The following KCNAB1 variants were observed in gnomAD, a reference collection of about 807,000 sequenced individuals.
The protein encoded by KCNAB1 is potassium voltage-gated channel subfamily A regulatory beta subunit 1.
Under a neutral mutation model 64.6 loss-of-function variants are expected in KCNAB1, and 35 were observed. The ratio of observed to expected loss-of-function variants is 0.54; its 90% CI spans 0.41 to 0.72. The LOEUF (loss-of-function observed/expected upper bound fraction) is 0.72. Ranked by LOEUF, KCNAB1 falls within the 30% of genes least tolerant of loss-of-function variation. The pLI, the probability that KCNAB1 is intolerant of heterozygous loss-of-function variation, is 0.00. For missense variants in KCNAB1, 401 were observed against 512.9 expected (o/e 0.78, Z 2.11); for synonymous variants, 177 against 183.8 (o/e 0.96, Z 0.30).
intron 1 of KCNAB1, among the ~76,000 whole-genome samples, chr3:156,215,162 T>C (rs1420108825): frequency 6.6e-6 from 1 of 152,232 alleles, no homozygotes; most frequent in Admixed American, 6.5e-5. Flanking sequence ...TATTAGCTCA[T>C]TTGTTTGAGA....
chr3:156,494,611 G>C (rs1031096368), intron 8 of KCNAB1, among the ~76,000 whole-genome samples: 9 of 151,644 alleles, frequency 5.9e-5, no homozygotes, highest in Non-Finnish European at 8.8e-5. Flanking sequence ...ACGTGTGAAA[G>C]TTTCAAGGCA....
At chr3:156,143,307 C>A in intron 1 of KCNAB1, 1 of 1,613,558 alleles carries the variant, frequency 6.2e-7, no homozygotes, top group Non-Finnish European at 8.5e-7. Context: ...AGGCGGCCTG[C>A]AAACCTGTGA....
At chr3:156,356,691 A>G (rs1725267795) in intron 1 of KCNAB1, among the ~76,000 whole-genome samples, 1 of 152,206 alleles carries the variant, frequency 6.6e-6, no homozygotes, top group Non-Finnish European at 1.5e-5. Flanking sequence ...TATCTTGGGG[A>G]TTTGTCATCA....
intron 1 of KCNAB1, among the ~76,000 whole-genome samples, chr3:156,417,719 G>GAAAAAAAA (rs200175870): frequency 7.7e-6 from 1 of 130,262 alleles, no homozygotes; most frequent in African/African-American, 2.9e-5. Flanking sequence ...TGCCTTAAAA[G>GAAAAAAAA]AAAAAAAAAA....
chr3:156,461,455 C>T (rs527908776), intron 5 of KCNAB1, among the ~76,000 whole-genome samples: 4 of 152,308 alleles, frequency 2.6e-5, no homozygotes, highest in South Asian at 2.1e-4. Flanking sequence ...TATTGGATTA[C>T]GGGCCTCCTC....
intron 1 of KCNAB1, among the ~76,000 whole-genome samples, chr3:156,283,001 T>C (rs1473535220): frequency 1.3e-5 from 2 of 150,280 alleles, no homozygotes; most frequent in East Asian, 3.9e-4. Context: ...AATTTGATCC[T>C]GTCATTATGA....
At chr3:156,228,345 G>T (rs76674824) in intron 1 of KCNAB1, among the ~76,000 whole-genome samples, 2 of 152,128 alleles carry the variant, frequency 1.3e-5, no homozygotes, top group Non-Finnish European at 2.9e-5. Flanking sequence ...CAGCCCTACC[G>T]TGTGCTTTGA....
intron 1 of KCNAB1, among the ~76,000 whole-genome samples, chr3:156,390,096 C>G (rs1712919372): frequency 6.6e-6 from 1 of 152,198 alleles, no homozygotes; most frequent in Admixed American, 6.5e-5. Context: ...CAAGGGGGAA[C>G]TGGGCACTTG....
At chr3:156,168,835 TAAAC>T (rs1711774210) in intron 1 of KCNAB1, among the ~76,000 whole-genome samples, 1 of 152,206 alleles carries the variant, frequency 6.6e-6, no homozygotes, top group Non-Finnish European at 1.5e-5. Context: ...GGAAGGCAGA[TAAAC>T]AAAAGTTCTT....
intron 1 of KCNAB1, among the ~76,000 whole-genome samples, chr3:156,298,344 C>T (rs996977674): frequency 1.4e-4 from 22 of 152,192 alleles, no homozygotes; most frequent in Non-Finnish European, 2.9e-4. Flanking sequence ...TTTCCGGAAA[C>T]GGCTAGTTTT....
At chr3:156,535,490 TCA>T (rs1252504653) in intron 13 of KCNAB1, among the ~76,000 whole-genome samples, 23 of 152,196 alleles carry the variant, frequency 1.5e-4, no homozygotes, top group Non-Finnish European at 1.9e-4. Context: ...TGCAAATGAC[TCA>T]CAAACCCTCA....
chr3:156,295,876 T>C (rs1483890550), intron 1 of KCNAB1, among the ~76,000 whole-genome samples: 1 of 152,226 alleles, frequency 6.6e-6, no homozygotes, highest in Non-Finnish European at 1.5e-5. Context: ...TCAAGTCCTC[T>C]CTTCTAGCTA....
At chr3:156,175,533 G>A (rs1362451596) in intron 1 of KCNAB1, among the ~76,000 whole-genome samples, 1 of 152,160 alleles carries the variant, frequency 6.6e-6, no homozygotes, top group Non-Finnish European at 1.5e-5. Flanking sequence ...GCAGGAGAAT[G>A]GCGTGAACCC....
At chr3:156,195,762 C>A (rs1713875172) in intron 1 of KCNAB1, among the ~76,000 whole-genome samples, 1 of 152,098 alleles carries the variant, frequency 6.6e-6, no homozygotes, top group African/African-American at 2.4e-5. Flanking sequence ...ATGATAGTTT[C>A]TTTTGCTGTG....
chr3:156,357,709 T>C lies in KCNAB1; in HGVS notation c.276-63907T>C, dbSNP rs73873331. Among the ~76,000 whole-genome samples the C allele has an allele frequency of 3.5e-3, 528 of 151,732 alleles. 3 individuals are homozygous for C. Among genetic ancestry groups the C allele is most frequent in the African/African-American group, 0.011 (474 of 41,504 alleles). On this transcript the variant is annotated intron_variant, in intron 1 of 13. Coordinates refer to ENST00000490337, the MANE Select transcript of KCNAB1 (RefSeq NM_172160.3). The stretch of plus-strand genomic sequence containing the variant: ...TTTTATTTACCCACTGTATCCATAG[T>C]ATTATCACTTCAATATGTAATCATA...
chr3:156,253,562 A>G (rs188429508), intron 1 of KCNAB1, among the ~76,000 whole-genome samples: 5 of 152,354 alleles, frequency 3.3e-5, no homozygotes, highest in Admixed American at 2.0e-4. Flanking sequence ...GATGGTTGCC[A>G]TTCATCAGCC....
At chr3:156,227,251 G>A (rs1349748914) in intron 1 of KCNAB1, among the ~76,000 whole-genome samples, 1 of 152,146 alleles carries the variant, frequency 6.6e-6, no homozygotes, top group Non-Finnish European at 1.5e-5. Flanking sequence ...CTTTTACAAC[G>A]TGAACTCCTT....
chr3:156,157,788 G>A (rs1448572535), intron 1 of KCNAB1, among the ~76,000 whole-genome samples: 9 of 152,042 alleles, frequency 5.9e-5, no homozygotes. Context: ...AAAAAGAACA[G>A]GATGAAAAAC....
chr3:156,173,928 A>T (rs915242217), intron 1 of KCNAB1, among the ~76,000 whole-genome samples: 4 of 152,190 alleles, frequency 2.6e-5, no homozygotes, highest in African/African-American at 9.7e-5. Flanking sequence ...AATTGATTCA[A>T]TTGATTGAGC....
Sources: gnomAD v4.1 joint callset for allele counts (sites outside exome capture counted in the v4.1 genomes callset) on GRCh38, gnomAD v4.1.1 for gene constraint, MANE v1.5 for transcripts, NCBI Gene and HGNC (gene_info 2026-07-23, HGNC 2026-07-21) for gene names.